ANTXR2: variants seen among roughly 807,000 people sequenced by gnomAD.
The protein encoded by ANTXR2 is ANTXR cell adhesion molecule 2, also known as anthrax toxin receptor 2.
ANTXR2 carries 44 observed loss-of-function variants against 73.7 expected under a neutral mutation model. The ratio of observed to expected loss-of-function variants is 0.60; its 90% CI spans 0.47 to 0.77. The LOEUF (loss-of-function observed/expected upper bound fraction) is 0.77, where lower values mean the gene tolerates loss of function less well. Among genes scored for constraint, ANTXR2 ranks in the 30% least tolerant of loss-of-function variants. ANTXR2 has a pLI of 0.00. For missense variants in ANTXR2, 604 were observed against 592.5 expected (o/e 1.02, Z -0.20); for synonymous variants, 217 against 205.9 (o/e 1.05, Z -0.46).
intron 16 of ANTXR2, among the ~76,000 whole-genome samples, chr4:79,911,199 C>T (rs1727117600): frequency 6.6e-6 from 1 of 152,142 alleles, no homozygotes; most frequent in Middle Eastern, 3.2e-3. Context: ...TATGACAAGG[C>T]TTACAAGTCT....
intron 16 of ANTXR2, among the ~76,000 whole-genome samples, chr4:79,934,323 G>C (rs532458622): frequency 6.2e-4 from 94 of 152,214 alleles, no homozygotes; most frequent in African/African-American, 2.1e-3. Flanking sequence ...GAGGCCAGGA[G>C]TTCAAGACCA....
At chr4:79,996,148 G>A (rs1007793945) in intron 12 of ANTXR2, among the ~76,000 whole-genome samples, 9 of 151,950 alleles carry the variant, frequency 5.9e-5, no homozygotes, top group African/African-American at 1.7e-4. Flanking sequence ...GATTCAAACC[G>A]AGGACCAAGT....
chr4:80,007,463 A>C (rs1218963741), intron 12 of ANTXR2, among the ~76,000 whole-genome samples: 1 of 152,112 alleles, frequency 6.6e-6, no homozygotes, highest in African/African-American at 2.4e-5. Context: ...GATACCCCCC[A>C]CCAACATCTC....
At chr4:79,974,389 G>A (rs1209494161) in intron 16 of ANTXR2, among the ~76,000 whole-genome samples, 5 of 151,968 alleles carry the variant, frequency 3.3e-5, no homozygotes, top group African/African-American at 1.2e-4. Flanking sequence ...CTGAAGTCCC[G>A]CACTTAAGTA....
chr4:80,045,579 G>GTTT (rs137994910), intron 7 of ANTXR2, among the ~76,000 whole-genome samples: 1 of 142,416 alleles, frequency 7.0e-6, no homozygotes, highest in South Asian at 2.2e-4. Context: ...AAAAAGCAAG[G>GTTT]TTTTTTTTTT....
intron 11 of ANTXR2, among the ~76,000 whole-genome samples, chr4:80,010,325 C>G (rs747692745): frequency 6.6e-6 from 1 of 152,084 alleles, no homozygotes; most frequent in Admixed American, 6.6e-5. Flanking sequence ...ACTGTGGTAC[C>G]CTATGGGAGA....
intron 16 of ANTXR2, among the ~76,000 whole-genome samples, chr4:79,929,202 T>A (rs958863553): frequency 3.9e-5 from 6 of 151,956 alleles, no homozygotes; most frequent in Admixed American, 2.6e-4. Context: ...TATAAAAAAA[T>A]AAAAATAAAT....
intron 16 of ANTXR2, among the ~76,000 whole-genome samples, chr4:79,956,922 T>A (rs560776630): frequency 6.6e-6 from 1 of 152,158 alleles, no homozygotes; most frequent in African/African-American, 2.4e-5. Context: ...GAACCTAAAT[T>A]TGTGTTCTAA....
intron 10 of ANTXR2, among the ~76,000 whole-genome samples, chr4:80,023,489 T>C (rs997572597): frequency 6.6e-6 from 1 of 152,138 alleles, no homozygotes; most frequent in Admixed American, 6.5e-5. Flanking sequence ...TAACAAATAA[T>C]ACAAATTACA....
intron 7 of ANTXR2, among the ~76,000 whole-genome samples, chr4:80,044,347 A>C (rs1733416590): frequency 6.6e-6 from 1 of 151,974 alleles, no homozygotes; most frequent in African/African-American, 2.4e-5. Context: ...CACATGCTAT[A>C]ATAACAAACG....
chr4:80,058,225 A>G (rs962941596), intron 3 of ANTXR2, among the ~76,000 whole-genome samples: 5 of 152,036 alleles, frequency 3.3e-5, no homozygotes, highest in African/African-American at 1.2e-4. Flanking sequence ...GGAACTTCCC[A>G]AACGTGGATT....
rs1173858904 is a variant in ANTXR2, at chr4:79,915,841, T to C, written c.1429-8374A>G. 2.3e-3 allele frequency among the ~76,000 whole-genome samples: 272 copies of C among 118,166 alleles called. 2 individuals are homozygous for C. Among genetic ancestry groups the C allele is most frequent in the South Asian group, 6.3e-3 (23 of 3,624 alleles). The allele number at this position is 118,166 out of a possible 152,430, so 77.5% of individuals were successfully genotyped here. A position where few individuals can be genotyped will look rare whatever the true frequency, so the allele number is the denominator to read the frequency against. The stretch of plus-strand genomic sequence containing the variant: ...CTCTGTCTCTCTCCCTCTCTCTCTC[T>C]CTCTCTCTCTCTCTCTCTCTCTATA... On this transcript the variant is annotated intron_variant, in intron 16 of 16. Transcript: ENST00000403729.
intron 12 of ANTXR2, among the ~76,000 whole-genome samples, chr4:79,988,229 TTATATATATATATATATATATATATA>T (rs70944756): frequency 0.013 from 878 of 68,166 alleles, 21 homozygotes; most frequent in African/African-American, 0.044. Context: ...CACATAAATT[TTATATATATATATATATATATATATA>T]TATATATATA....
rs1369176793 is a variant in ANTXR2, at chr4:79,903,999, G to A, written c.*3430C>T. 6.6e-6 allele frequency: 1 copy of A among 152,114 alleles called. No individual in the cohort carries two copies. The highest frequency in any genetic ancestry group is 1.5e-5 in the Non-Finnish European group (1 of 67,998). The allele number at this position is 152,114 out of a possible 1,614,324, so 9.4% of individuals were successfully genotyped here. ...TAGGAAGTTATAATTCCTTCTACTT[G>A]TAAATGTGACCTAATTACATTCTGC... On this transcript the variant is annotated 3_prime_UTR_variant, in exon 17 of 17. Coordinates refer to ENST00000403729, the MANE Select transcript of ANTXR2 (RefSeq NM_058172.6).
At chr4:79,927,078 T>C (rs1727843449) in intron 16 of ANTXR2, among the ~76,000 whole-genome samples, 1 of 147,898 alleles carries the variant, frequency 6.8e-6, no homozygotes, top group Non-Finnish European at 1.5e-5. Context: ...TATATATATA[T>C]GAATATTATT....
At chr4:79,975,312 G>A (rs1047475385) in intron 16 of ANTXR2, among the ~76,000 whole-genome samples, 6 of 152,078 alleles carry the variant, frequency 3.9e-5, no homozygotes, top group Non-Finnish European at 8.8e-5. Context: ...TCTTATTTTT[G>A]TACATGTCTT....
chr4:79,928,840 G>T (rs1258569241), intron 16 of ANTXR2, among the ~76,000 whole-genome samples: 1 of 152,114 alleles, frequency 6.6e-6, no homozygotes, highest in African/African-American at 2.4e-5. Context: ...AAAGAAATTA[G>T]TGCTTTATAT....
intron 11 of ANTXR2, among the ~76,000 whole-genome samples, chr4:80,010,768 G>A (rs1482586126): frequency 6.6e-6 from 1 of 151,872 alleles, no homozygotes; most frequent in African/African-American, 2.4e-5. Context: ...TAGTAGCATC[G>A]ACAAAATATT....
intron 11 of ANTXR2, among the ~76,000 whole-genome samples, chr4:80,009,881 T>G (rs1731487383): frequency 6.7e-6 from 1 of 149,748 alleles, no homozygotes; most frequent in Non-Finnish European, 1.5e-5. Flanking sequence ...AAGAAAAAAC[T>G]ACTTACTGAA....
Sources: allele counts gnomAD v4.1 joint callset (sites outside exome capture counted in the v4.1 genomes callset), GRCh38; gene constraint gnomAD v4.1.1; transcripts MANE v1.5; gene names NCBI Gene and HGNC (gene_info 2026-07-23, HGNC 2026-07-21).